The following ETFDH variants were observed in gnomAD, a reference collection of about 807,000 sequenced individuals.
ETFDH encodes the protein electron transfer flavoprotein dehydrogenase, also known as electron transfer flavoprotein-ubiquinone oxidoreductase, mitochondrial.
Under a neutral mutation model 73.2 loss-of-function variants are expected in ETFDH, and 61 were observed. The observed-to-expected ratio is 0.83, with a 90% CI of 0.68 to 1.03. ETFDH has a LOEUF of 1.03. Among genes scored for constraint, ETFDH ranks in the 50% least tolerant of loss-of-function variants. The pLI, the probability that ETFDH is intolerant of heterozygous loss-of-function variation, is 0.00. For synonymous variants in ETFDH, 243 were observed against 253.3 expected, an observed-to-expected ratio of 0.96 and a Z score of 0.39; for missense variants, 685 against 745.0, an observed-to-expected ratio of 0.92 and a Z score of 0.94.
intron 1 of ETFDH, among the ~76,000 whole-genome samples, chr4:158,676,286 C>T (rs1580390852): frequency 1.3e-5 from 2 of 151,990 alleles, no homozygotes; most frequent in South Asian, 4.2e-4. Flanking sequence ...AGGGTGGGAG[C>T]CAAACGACCA....
At chr4:158,703,737 T>C (rs1774529162) in intron 10 of ETFDH, 146 bp downstream of exon 10, 1 of 632,160 alleles carries the variant, frequency 1.6e-6, no homozygotes, top group Admixed American at 2.6e-5. Flanking sequence ...TGGCTTATTC[T>C]CAATAATTAC....
intron 12 of ETFDH, among the ~76,000 whole-genome samples, chr4:158,707,616 C>A (rs1774663071): frequency 6.6e-6 from 1 of 152,204 alleles, no homozygotes; most frequent in Admixed American, 6.5e-5. Flanking sequence ...ATATTCACAC[C>A]TAACATTCGT....
At chr4:158,694,610 T>A (rs1043757285) in intron 6 of ETFDH, among the ~76,000 whole-genome samples, 25 of 148,246 alleles carry the variant, frequency 1.7e-4, no homozygotes, top group East Asian at 1.4e-3. Context: ...AAAAAAAAAA[T>A]TAAAAAATTA....
At chr4:158,677,003 C>A (rs1773726031) in intron 1 of ETFDH, among the ~76,000 whole-genome samples, 3 of 152,178 alleles carry the variant, frequency 2.0e-5, no homozygotes, top group Non-Finnish European at 4.4e-5. Context: ...ATTCCACGGG[C>A]TATCTTTTCA....
intron 3 of ETFDH, 122 bp from the exon 4 acceptor site, chr4:158,684,470 A>T (rs1330909623): frequency 1.6e-6 from 1 of 626,596 alleles, no homozygotes; most frequent in Non-Finnish European, 2.9e-6. Flanking sequence ...AGGAAATGCC[A>T]AAAGAAAATT....
chr4:158,705,284 A>G (rs1041349364), intron 10 of ETFDH, among the ~76,000 whole-genome samples: 3 of 152,072 alleles, frequency 2.0e-5, no homozygotes, highest in African/African-American at 4.8e-5. Flanking sequence ...TGCAATCTCA[A>G]ATTCCTTGGC....
intron 2 of ETFDH, chr4:158,681,941 T>C (rs1773869377): frequency 2.0e-6 from 1 of 498,146 alleles, no homozygotes; most frequent in African/African-American, 1.9e-5. Context: ...CAAGTAAATA[T>C]TTGCTAAATG....
Position 158,709,429 on chromosome 4 carries a change from A to C in ETFDH, c.*902A>C. 1.1e-5 allele frequency: 2 copies of C among 189,774 alleles called. No homozygotes were observed. The highest frequency in any genetic ancestry group is 2.2e-5 in the Non-Finnish European group (2 of 92,800). 11.8% of individuals were successfully genotyped at this position (189,774 alleles called of 1,614,324 possible). On this transcript the variant is annotated 3_prime_UTR_variant, in exon 13 of 13. Transcript: ENST00000511912. Reference sequence around the variant, plus strand: ...TGCCTGTAATCCCAGCTACTTGGGAAGCTGAGGCAGGAGAATTGCTTGAAC... The same window carrying C: ...TGCCTGTAATCCCAGCTACTTGGGACGCTGAGGCAGGAGAATTGCTTGAAC...
intron 7 of ETFDH, 147 bp from the exon 8 acceptor site, chr4:158,697,412 T>C: frequency 1.4e-6 from 1 of 716,430 alleles, no homozygotes; most frequent in Non-Finnish European, 2.3e-6. Flanking sequence ...ATATTTGAAG[T>C]AATTTTGTTG....
chr4:158,683,827 AC>A (rs1773928706), intron 3 of ETFDH, among the ~76,000 whole-genome samples: 1 of 152,174 alleles, frequency 6.6e-6, no homozygotes. Context: ...AATTGCTGGG[AC>A]TACAGGCCTG....
chr4:158,698,013 T>TA (rs1246641564), intron 8 of ETFDH, among the ~76,000 whole-genome samples: 1 of 152,220 alleles, frequency 6.6e-6, no homozygotes, highest in Admixed American at 6.5e-5. Context: ...CCAAATAAGT[T>TA]AAACAACTTA....
chr4:158,708,489 C>T lies in ETFDH; in HGVS notation c.1816C>T (p.Pro606Ser), dbSNP rs1292587000. ...DPSQNINWVV[P>S]EGGGGPAYNG... is the part of the protein sequence containing the mutation. ...AAGTCAGAATATTAACTGGGTGGTA[C>T]CTGAAGGTGGAGGAGGACCTGCTTA... The change falls in exon 13 of 13, where the codon CCT becomes TCT. Residue 606 changes from proline (P) to serine (S), a missense_variant. Physicochemically the swap from Pro to Ser is moderately conservative, Grantham distance 74 (BLOSUM62 -1). This residue lies in a region of ETFDH where 201 missense variants were observed against 225.2 expected (regional missense o/e 0.89). Coordinates refer to ENST00000511912, the MANE Select transcript of ETFDH (RefSeq NM_004453.4). 6.2e-7 allele frequency: 1 copy of T among 1,613,312 alleles called. No homozygotes were observed. The highest frequency in any genetic ancestry group is 1.1e-5 in the South Asian group (1 of 91,072).
chr4:158,682,182 T>G lies in ETFDH; in HGVS notation c.176-13T>G. The G allele has an allele frequency of 6.2e-7, 1 of 1,613,736 alleles. No homozygotes were observed. Among genetic ancestry groups the G allele is most frequent in the Non-Finnish European group, 8.5e-7 (1 of 1,179,606 alleles). ...TTGGGTTATATTAATCCCAGAATTTTTATTTCTCCCAGGAGTGAACATGGA... is the reference window on the plus strand; with the variant it reads ...TTGGGTTATATTAATCCCAGAATTTGTATTTCTCCCAGGAGTGAACATGGA... On this transcript the variant is annotated splice_polypyrimidine_tract_variant and intron_variant, in intron 2 of 12. Transcript: ENST00000511912.
intron 6 of ETFDH, among the ~76,000 whole-genome samples, chr4:158,694,306 T>C (rs1580410495): frequency 6.6e-6 from 1 of 152,130 alleles, no homozygotes; most frequent in African/African-American, 2.4e-5. Context: ...TAAAATAGTA[T>C]TGAGGGCCAG....
At chr4:158,681,656 A>G (rs1170299070) in intron 2 of ETFDH, 1 of 157,470 alleles carries the variant, frequency 6.4e-6, no homozygotes, top group Non-Finnish European at 1.4e-5. Context: ...AATATTTTAT[A>G]CTGTATTTTT....
rs1405831535 is a variant in ETFDH at position 158,706,666 on chromosome 4, C to T, written c.1506C>T (p.Cys502=). Residue 502 remains cysteine, a synonymous_variant, in exon 12 of 13, where the codon TGC becomes TGT. Coordinates refer to ENST00000511912, the MANE Select transcript of ETFDH (RefSeq NM_004453.4). ...AACGGCTCAAGCCAGCCAAGGATTG[C>T]ACACCTATTGAGTATCCAAAACCCG... ...DFERLKPAKD[C]TPIEYPKPDG... The T allele has an allele frequency of 9.9e-6, 16 of 1,613,966 alleles. No homozygotes were observed. Among genetic ancestry groups the T allele is most frequent in the African/African-American group, 1.3e-5 (1 of 74,910 alleles).
intron 10 of ETFDH, 82 bp from the exon 11 acceptor site, chr4:158,706,107 C>A: frequency 1.0e-6 from 1 of 956,878 alleles, no homozygotes; most frequent in Non-Finnish European, 1.7e-6. Flanking sequence ...CACTCATCAG[C>A]TATCAAAGTA....
chr4:158,672,960 T>A (rs554371035), intron 1 of ETFDH, among the ~76,000 whole-genome samples: 1 of 152,354 alleles, frequency 6.6e-6, no homozygotes, highest in Admixed American at 6.5e-5. Flanking sequence ...TTAACATTCA[T>A]ATGTTGACCA....
chr4:158,678,585 C>T (rs1034948243), intron 1 of ETFDH, among the ~76,000 whole-genome samples: 2 of 151,892 alleles, frequency 1.3e-5, no homozygotes, highest in African/African-American at 4.8e-5. Context: ...TTAGAAGCTA[C>T]TCAATAAGTT....
Sources: allele counts gnomAD v4.1 joint callset (sites outside exome capture counted in the v4.1 genomes callset), GRCh38; gene constraint gnomAD v4.1.1; regional missense constraint gnomAD v4.1.1; transcripts MANE v1.5; gene names NCBI Gene and HGNC (gene_info 2026-07-23, HGNC 2026-07-21).